The following TRHDE variants were observed in gnomAD, a reference collection of about 807,000 sequenced individuals.
TRHDE encodes the protein thyrotropin releasing hormone degrading enzyme.
In TRHDE, 72 loss-of-function variants were observed where a neutral mutation model predicts 125.7. The observed-to-expected ratio is 0.57, with a 90% CI of 0.47 to 0.70. The LOEUF (loss-of-function observed/expected upper bound fraction) is 0.70, where lower values mean the gene tolerates loss of function less well. Among genes scored for constraint, TRHDE ranks in the 30% least tolerant of loss-of-function variants. The pLI, the probability that TRHDE is intolerant of heterozygous loss-of-function variation, is 0.00. For synonymous variants in TRHDE, 509 were observed against 509.1 expected, an observed-to-expected ratio of 1.00 and a Z score of 0.00; for missense variants, 1,110 against 1,327.1, an observed-to-expected ratio of 0.84 and a Z score of 2.54.
intron 2 of TRHDE, among the ~76,000 whole-genome samples, chr12:72,230,158 A>T (rs765253872): frequency 6.6e-6 from 1 of 152,196 alleles, no homozygotes; most frequent in African/African-American, 2.4e-5. Context: ...CTGTAAAAAA[A>T]ACTTGCAAAA....
chr12:72,411,518 A>G (rs938052191), intron 3 of TRHDE, among the ~76,000 whole-genome samples: 6 of 152,100 alleles, frequency 3.9e-5, no homozygotes, highest in Non-Finnish European at 8.8e-5. Flanking sequence ...AAATTAATAG[A>G]GTAAAATATT....
intron 5 of TRHDE, among the ~76,000 whole-genome samples, chr12:72,490,772 AC>A (rs1276962042): frequency 1.4e-4 from 21 of 151,040 alleles, no homozygotes; most frequent in Admixed American, 9.9e-4. Flanking sequence ...AAAAAAAAAA[AC>A]AACCCTTGAA....
Position 72,639,392 on chromosome 12 carries a change from A to G in TRHDE, c.2676-12930A>G, listed in dbSNP as rs577473326. On this transcript the variant is annotated intron_variant, in intron 15 of 18. Transcript: ENST00000261180. ...AGCACTTCTCTGTATTGGTTATTCT[A>G]GTTATACATTCTTCTAAACTTTTTT... 2.0e-5 allele frequency among the ~76,000 whole-genome samples: 3 copies of G among 151,928 alleles called. No homozygotes were observed. The East Asian group carries it at 5.8e-4, about 29-fold the overall frequency.
At chr12:72,545,303 T>C (rs1460621772) in intron 7 of TRHDE, among the ~76,000 whole-genome samples, 3 of 151,504 alleles carry the variant, frequency 2.0e-5, no homozygotes, top group Non-Finnish European at 4.4e-5. Flanking sequence ...GGCAATAGAA[T>C]AAATAAGGAG....
In TRHDE at chr12:72,239,899, G is replaced by C. The variant is rs1411461788; in HGVS notation, n.279+134147G>C. ...TGAGAAAAGAAAATGAACTTTGTCT[G>C]TCCTATTTTCAGTGAGCTTAAGCTA... On this transcript the variant is annotated intron_variant and non_coding_transcript_variant, in intron 2 of 4. Coordinates refer to the TRHDE transcript ENST00000548156. Among the ~76,000 whole-genome samples the C allele has an allele frequency of 9.2e-5, 14 of 152,284 alleles. 1 individual carries two copies. In the East Asian group the frequency reaches 2.7e-3, roughly 29 times the overall value.
chr12:72,509,951 G>A (rs976572389), intron 6 of TRHDE, among the ~76,000 whole-genome samples: 2 of 152,208 alleles, frequency 1.3e-5, no homozygotes, highest in African/African-American at 4.8e-5. Flanking sequence ...TAGGATTAAG[G>A]AGTTTCCAAG....
intron 12 of TRHDE, among the ~76,000 whole-genome samples, chr12:72,593,094 G>A (rs1188831460): frequency 6.6e-6 from 1 of 152,150 alleles, no homozygotes; most frequent in Non-Finnish European, 1.5e-5. Context: ...GAATATGCTT[G>A]CTGTCTCTTT....
intron 3 of TRHDE, among the ~76,000 whole-genome samples, chr12:72,433,286 G>T (rs1054189520): frequency 6.6e-6 from 1 of 151,938 alleles, no homozygotes; most frequent in Non-Finnish European, 1.5e-5. Context: ...GTCTGCTTGT[G>T]GTCCCAGAGT....
chr12:72,087,470 C>A (rs1874696010), intron 1 of TRHDE: 1 of 152,088 alleles, frequency 6.6e-6, no homozygotes, highest in African/African-American at 2.4e-5. Context: ...GAGCATGGGC[C>A]TAGGGATTAA....
At position 72,279,557 on chromosome 12, in the gene TRHDE, A is replaced by G. The variant is rs566558786; in HGVS notation, c.914+6000A>G. 2.3e-3 allele frequency among the ~76,000 whole-genome samples: 356 copies of G among 152,326 alleles called. 1 individual carries two copies. The highest frequency in any genetic ancestry group is 8.3e-3 in the African/African-American group (344 of 41,574). On this transcript the variant is annotated intron_variant, in intron 1 of 18. Coordinates refer to ENST00000261180, the MANE Select transcript of TRHDE (RefSeq NM_013381.3). ...TTTCTCCCACAGATAGAATTTTACT[A>G]GGCAGAATTTTGGAAAATTCAAACG...
intron 2 of TRHDE, among the ~76,000 whole-genome samples, chr12:72,133,519 AAC>A (rs1474032591): frequency 6.6e-6 from 1 of 152,140 alleles, no homozygotes; most frequent in African/African-American, 2.4e-5. Context: ...CCTGGGCTAG[AAC>A]ATTAAGCACC....
Position 72,453,913 on chromosome 12 carries a change from G to C in TRHDE, c.1316-15845G>C, listed in dbSNP as rs1875709408. On this transcript the variant is annotated intron_variant, in intron 3 of 18. Transcript: ENST00000261180. The stretch of plus-strand genomic sequence containing the variant: ...TGCACAAGTTTTCCTAAGTTGACCA[G>C]GATAAGTATTTGGGTTTCTCAGGTG... 4.6e-5 allele frequency among the ~76,000 whole-genome samples: 7 copies of C among 152,174 alleles called. No individual in the cohort carries two copies. In the South Asian group the frequency reaches 1.5e-3, roughly 32 times the overall value.
At chr12:72,258,532 G>A (rs564328544) in intron 2 of TRHDE, among the ~76,000 whole-genome samples, 4 of 152,042 alleles carry the variant, frequency 2.6e-5, no homozygotes, top group African/African-American at 7.2e-5. Context: ...GAATAAAGTG[G>A]GTTTTATTTT....
At chr12:72,097,575 G>A (rs941692428) in intron 1 of TRHDE, among the ~76,000 whole-genome samples, 42 of 151,124 alleles carry the variant, frequency 2.8e-4, no homozygotes, top group Non-Finnish European at 2.9e-5. Context: ...TCAGTCTCCT[G>A]AGTAGCTGGG....
intron 6 of TRHDE, among the ~76,000 whole-genome samples, chr12:72,508,535 G>C (rs761586650): frequency 6.6e-6 from 1 of 152,150 alleles, no homozygotes; most frequent in Non-Finnish European, 1.5e-5. Flanking sequence ...TTTGGAATGG[G>C]AGTATTTACC....
chr12:72,490,867 T>TA (rs1877643388), intron 5 of TRHDE, among the ~76,000 whole-genome samples: 2 of 150,982 alleles, frequency 1.3e-5, no homozygotes, highest in South Asian at 4.2e-4. Context: ...GGATACAAAT[T>TA]AAGTTATGTA....
chr12:72,113,919 C>T (rs1875381198), intron 2 of TRHDE, among the ~76,000 whole-genome samples: 1 of 152,026 alleles, frequency 6.6e-6, no homozygotes, highest in Admixed American at 6.6e-5. Flanking sequence ...TGGTTTACAT[C>T]AGGTTCTTTG....
intron 1 of TRHDE, among the ~76,000 whole-genome samples, chr12:72,091,374 G>C (rs1179970667): frequency 6.6e-6 from 1 of 152,094 alleles, no homozygotes; most frequent in Non-Finnish European, 1.5e-5. Context: ...ATGGGTTCTA[G>C]TTAAAATCCT....
intron 15 of TRHDE, among the ~76,000 whole-genome samples, chr12:72,651,743 A>T (rs549818495): frequency 6.6e-6 from 1 of 152,098 alleles, no homozygotes; most frequent in Non-Finnish European, 1.5e-5. Flanking sequence ...AAATTTTAGT[A>T]TATTTTATTT....
Sources: allele counts gnomAD v4.1 joint callset (sites outside exome capture counted in the v4.1 genomes callset), GRCh38; gene constraint gnomAD v4.1.1; transcripts MANE v1.5; gene names NCBI Gene and HGNC (gene_info 2026-07-23, HGNC 2026-07-21).